Variants in NR3C1 observed in about 807,000 individuals in gnomAD.
NR3C1 encodes the protein nuclear receptor subfamily 3 group C member 1, also known as glucocorticoid receptor.
In NR3C1, 14 loss-of-function variants were observed where a neutral mutation model predicts 74.0. The ratio of observed to expected loss-of-function variants is 0.19; its 90% CI spans 0.12 to 0.30. NR3C1 has a LOEUF of 0.30. Among genes scored for constraint, NR3C1 ranks in the 10% least tolerant of loss-of-function variants. The pLI is 1.00. For synonymous variants in NR3C1, 308 were observed against 332.5 expected, an observed-to-expected ratio of 0.93 and a Z score of 0.80; for missense variants, 695 against 909.8, an observed-to-expected ratio of 0.76 and a Z score of 3.04.
At chr5:143,388,754 G>A (rs923629725) in intron 2 of NR3C1, among the ~76,000 whole-genome samples, 12 of 152,252 alleles carry the variant, frequency 7.9e-5, no homozygotes, top group African/African-American at 2.4e-4. Context: ...CCAGAAAGAG[G>A]ATTATTTCTC....
intron 2 of NR3C1, among the ~76,000 whole-genome samples, chr5:143,387,772 G>C (rs61751258): frequency 8.5e-5 from 13 of 152,108 alleles, no homozygotes; most frequent in African/African-American, 2.9e-4. Flanking sequence ...ATATACTATA[G>C]ACAGAATAAG....
chr5:143,332,205 C>G (rs916149850), intron 2 of NR3C1, among the ~76,000 whole-genome samples: 4 of 151,910 alleles, frequency 2.6e-5, no homozygotes, highest in Non-Finnish European at 5.9e-5. Context: ...GCATTCAGAA[C>G]ATTAAAACAA....
chr5:143,330,814 T>TA (rs1825797346), intron 2 of NR3C1, among the ~76,000 whole-genome samples: 1 of 152,144 alleles, frequency 6.6e-6, no homozygotes. Context: ...TAAAAATAGT[T>TA]AAATACAACA....
intron 2 of NR3C1, among the ~76,000 whole-genome samples, chr5:143,369,991 A>T (rs1833964189): frequency 6.6e-6 from 1 of 152,198 alleles, no homozygotes; most frequent in Admixed American, 6.5e-5. Context: ...AAAATCTTGC[A>T]ATCTTCAAGT....
chr5:143,427,285 A>T (rs1359993222), intron 1 of NR3C1, among the ~76,000 whole-genome samples: 1 of 152,150 alleles, frequency 6.6e-6, no homozygotes, highest in Non-Finnish European at 1.5e-5. Context: ...TGAAAATATA[A>T]ATACAGATTC....
At chr5:143,318,394 T>A (rs1414120551) in intron 2 of NR3C1, among the ~76,000 whole-genome samples, 21 of 152,320 alleles carry the variant, frequency 1.4e-4, no homozygotes, top group Non-Finnish European at 4.4e-5. Context: ...CAGTCTATCT[T>A]GCACTTTGAA....
At chr5:143,319,470 A>G (rs570441239) in intron 2 of NR3C1, among the ~76,000 whole-genome samples, 2 of 152,180 alleles carry the variant, frequency 1.3e-5, no homozygotes, top group Non-Finnish European at 2.9e-5. Flanking sequence ...TTCCAGAAAT[A>G]CAGCTGCTAT....
At chr5:143,429,275 T>C (rs1308740719) in intron 1 of NR3C1, among the ~76,000 whole-genome samples, 1 of 152,172 alleles carries the variant, frequency 6.6e-6, no homozygotes, top group Non-Finnish European at 1.5e-5. Context: ...TAATGAATAA[T>C]GGATCCAGGA....
At chr5:143,384,218 T>C (rs1355313361) in intron 2 of NR3C1, among the ~76,000 whole-genome samples, 1 of 152,176 alleles carries the variant, frequency 6.6e-6, no homozygotes, top group Non-Finnish European at 1.5e-5. Flanking sequence ...TCCACCCTTG[T>C]GATTCAGTCA....
intron 2 of NR3C1, among the ~76,000 whole-genome samples, chr5:143,385,696 A>G (rs1360835583): frequency 6.6e-6 from 1 of 152,236 alleles, no homozygotes; most frequent in East Asian, 1.9e-4. Context: ...TAAGTGCCTC[A>G]TCTCCACCTG....
At chr5:143,295,248 CCT>C (rs750965375) in intron 7 of NR3C1, 1 of 985,128 alleles carries the variant, frequency 1.0e-6, no homozygotes, top group Non-Finnish European at 1.2e-6. Context: ...AGCTCATATA[CCT>C]CTCTGTTTCT....
chr5:143,314,377 G>A (rs575192549), intron 2 of NR3C1, among the ~76,000 whole-genome samples: 11 of 149,482 alleles, frequency 7.4e-5, no homozygotes, highest in African/African-American at 2.5e-4. Context: ...TTCTTTTGAA[G>A]TGTCTCCAAA....
intron 1 of NR3C1, among the ~76,000 whole-genome samples, chr5:143,423,151 AG>A (rs1751325731): frequency 6.6e-6 from 1 of 152,230 alleles, no homozygotes; most frequent in Non-Finnish European, 1.5e-5. Context: ...TCAAGCTAAA[AG>A]GCTTCTGCAC....
intron 1 of NR3C1, among the ~76,000 whole-genome samples, chr5:143,424,473 T>G (rs1231057883): frequency 6.6e-6 from 1 of 152,134 alleles, no homozygotes; most frequent in African/African-American, 2.4e-5. Flanking sequence ...AAATGTCACA[T>G]GTACCCTTTA....
intron 2 of NR3C1, among the ~76,000 whole-genome samples, chr5:143,342,054 T>C (rs1828333890): frequency 6.6e-6 from 1 of 152,094 alleles, no homozygotes; most frequent in East Asian, 1.9e-4. Flanking sequence ...TCTCTCAGAC[T>C]TTCAACAAGA....
At chr5:143,344,643 C>G (rs192115609) in intron 2 of NR3C1, among the ~76,000 whole-genome samples, 1 of 152,144 alleles carries the variant, frequency 6.6e-6, no homozygotes. Flanking sequence ...GAGGCCAAGG[C>G]GGGTGGATCA....
At chr5:143,383,024 G>C (rs1250035179) in intron 2 of NR3C1, among the ~76,000 whole-genome samples, 3 of 152,222 alleles carry the variant, frequency 2.0e-5, no homozygotes, top group Non-Finnish European at 4.4e-5. Flanking sequence ...TGGCAGAGCA[G>C]GCACTAAGTA....
At chr5:143,338,705 A>C (rs1290764613) in intron 2 of NR3C1, among the ~76,000 whole-genome samples, 1 of 152,248 alleles carries the variant, frequency 6.6e-6, no homozygotes, top group African/African-American at 2.4e-5. Context: ...AAAAGTTTAC[A>C]AAGTAAAAAA....
At chr5:143,330,843 T>C (rs1201789851) in intron 2 of NR3C1, among the ~76,000 whole-genome samples, 2 of 152,160 alleles carry the variant, frequency 1.3e-5, no homozygotes, top group Non-Finnish European at 2.9e-5. Flanking sequence ...TTGCAGGGGA[T>C]AGAAAGAATC....
Sources: allele counts gnomAD v4.1 joint callset (sites outside exome capture counted in the v4.1 genomes callset), GRCh38; gene constraint gnomAD v4.1.1; transcripts MANE v1.5; gene names NCBI Gene and HGNC (gene_info 2026-07-23, HGNC 2026-07-21).